Variants in TINAG observed in about 807,000 individuals in gnomAD.
TINAG encodes the protein tubulointerstitial nephritis antigen.
In TINAG, 83 loss-of-function variants were observed where a neutral mutation model predicts 72.7. The ratio of observed to expected loss-of-function variants is 1.14; its 90% CI spans 0.96 to 1.37. The LOEUF (loss-of-function observed/expected upper bound fraction) is 1.37, where lower values mean the gene tolerates loss of function less well. Ranked by LOEUF, TINAG falls within the 40% of genes most tolerant of loss-of-function variation. TINAG has a pLI of 0.00. For missense variants in TINAG, 685 were observed against 576.6 expected (o/e 1.19, Z -1.93); for synonymous variants, 234 against 189.9 (o/e 1.23, Z -1.91).
chr6:54,366,340 C>G (rs1482065814), intron 9 of TINAG, among the ~76,000 whole-genome samples: 4 of 151,278 alleles, frequency 2.6e-5, no homozygotes, highest in African/African-American at 9.7e-5. Context: ...TTTTCTCAAA[C>G]AATTGCTCTG....
At chr6:54,310,176 G>A (rs1009111486) in intron 1 of TINAG, among the ~76,000 whole-genome samples, 2 of 150,246 alleles carry the variant, frequency 1.3e-5, no homozygotes, top group Non-Finnish European at 3.0e-5. Flanking sequence ...TCTAACTCCT[G>A]AGCTCAAACA....
chr6:54,308,557 A>G lies in TINAG; in HGVS notation c.7A>G (p.Thr3Ala), dbSNP rs16885197. 0.015 allele frequency: 24,623 copies of G among 1,609,044 alleles called. 494 individuals carry two copies. The highest frequency in any genetic ancestry group is 0.1 in the African/African-American group (7,700 of 74,644). Residue 3 changes from threonine (T) to alanine (A), a missense_variant, in exon 1 of 11, where the codon ACC becomes GCC. Coordinates refer to ENST00000259782, the MANE Select transcript of TINAG (RefSeq NM_014464.4). ...TATACCTGACTTCCAGAGAATGTGG[A>G]CCGGATATAAGATCTTAATCTTCTC... MW[T>A]GYKILIFSYL...
intron 10 of TINAG, among the ~76,000 whole-genome samples, chr6:54,382,900 G>A (rs567100291): frequency 6.6e-6 from 1 of 152,188 alleles, no homozygotes; most frequent in Admixed American, 6.5e-5. Flanking sequence ...AGTTGAAGAG[G>A]AACCTATCTT....
chr6:54,385,432 A>T (rs1764070408), intron 10 of TINAG, among the ~76,000 whole-genome samples: 1 of 152,082 alleles, frequency 6.6e-6, no homozygotes, highest in South Asian at 2.1e-4. Context: ...AAAACTTATC[A>T]AAAACCTACA....
chr6:54,355,714 CGTGTGTGTGT>C (rs5876379), intron 9 of TINAG, among the ~76,000 whole-genome samples: 9 of 145,202 alleles, frequency 6.2e-5, no homozygotes, highest in African/African-American at 7.6e-5. Flanking sequence ...AAAAATGTAA[CGTGTGTGTGT>C]GTGTGTGTGT....
chr6:54,343,470 A>C, intron 5 of TINAG, 121 bp downstream of exon 5: 2 of 995,410 alleles, frequency 2.0e-6, no homozygotes, highest in Non-Finnish European at 1.3e-6. Flanking sequence ...ATCAAATAAA[A>C]TCTCATTATG....
chr6:54,336,974 T>A (rs1343032318), intron 4 of TINAG, among the ~76,000 whole-genome samples: 1 of 152,102 alleles, frequency 6.6e-6, no homozygotes, highest in Non-Finnish European at 1.5e-5. Context: ...TTATACTTTC[T>A]ATAGTATGTT....
chr6:54,338,606 C>G (rs942058504), intron 4 of TINAG, among the ~76,000 whole-genome samples: 1 of 151,428 alleles, frequency 6.6e-6, no homozygotes, highest in Non-Finnish European at 1.5e-5. Context: ...TGTCTGTAGT[C>G]CCAGCTACTC....
intron 9 of TINAG, among the ~76,000 whole-genome samples, chr6:54,364,394 GA>G (rs1763342354): frequency 1.3e-5 from 2 of 151,504 alleles, no homozygotes; most frequent in Admixed American, 6.6e-5. Context: ...TAAAATGACA[GA>G]AAGACTGATA....
In TINAG at chr6:54,327,244, G is replaced by A. The variant is rs1415332179; in HGVS notation, c.624+328G>A. ...GTGGATGATTTCTGCATTACCAACTGAGGTACACGGTTCATCTCATTGGGA... is the reference window on the plus strand; with the variant it reads ...GTGGATGATTTCTGCATTACCAACTAAGGTACACGGTTCATCTCATTGGGA... On this transcript the variant is annotated intron_variant, in intron 4 of 10. Transcript: ENST00000259782. 4.2e-6 allele frequency: 6 copies of A among 1,443,230 alleles called. No homozygotes were observed. The East Asian group carries it at 1.7e-4, about 41-fold the overall frequency. The allele number at this position is 1,443,230 out of a possible 1,614,324, so 89.4% of individuals were successfully genotyped here. A position where few individuals can be genotyped will look rare whatever the true frequency, so the allele number is the denominator to read the frequency against.
At chr6:54,317,934 T>C (rs1447202385) in intron 1 of TINAG, among the ~76,000 whole-genome samples, 1 of 152,110 alleles carries the variant, frequency 6.6e-6, no homozygotes, top group African/African-American at 2.4e-5. Flanking sequence ...TGTTTTTGTG[T>C]TCTTGGCCTC....
At chr6:54,379,945 A>G (rs1007573245) in intron 9 of TINAG, among the ~76,000 whole-genome samples, 1 of 151,772 alleles carries the variant, frequency 6.6e-6, no homozygotes, top group Non-Finnish European at 1.5e-5. Context: ...CGACCCCCAA[A>G]CAGGCCCCAG....
intron 9 of TINAG, among the ~76,000 whole-genome samples, chr6:54,379,024 T>G (rs1020227191): frequency 2.6e-5 from 4 of 152,128 alleles, no homozygotes; most frequent in African/African-American, 9.7e-5. Flanking sequence ...CTATTAAAAA[T>G]AGCTTTCTGC....
At chr6:54,370,961 AT>A (rs1763586096) in intron 9 of TINAG, among the ~76,000 whole-genome samples, 2 of 152,266 alleles carry the variant, frequency 1.3e-5, no homozygotes, top group Non-Finnish European at 2.9e-5. Flanking sequence ...GAACTGACCT[AT>A]TACAAAACAA....
intron 9 of TINAG, among the ~76,000 whole-genome samples, chr6:54,366,088 C>T (rs189083151): frequency 1.1e-4 from 17 of 151,698 alleles, no homozygotes; most frequent in Non-Finnish European, 8.9e-5. Flanking sequence ...TAGTAGAACT[C>T]TCACGAAATA....
intron 1 of TINAG, among the ~76,000 whole-genome samples, chr6:54,315,855 A>C (rs1784361416): frequency 6.6e-6 from 1 of 152,144 alleles, no homozygotes; most frequent in South Asian, 2.1e-4. Context: ...TATGCACAAT[A>C]TGTTCACATT....
At chr6:54,363,198 C>T (rs983983098) in intron 9 of TINAG, among the ~76,000 whole-genome samples, 1 of 151,518 alleles carries the variant, frequency 6.6e-6, no homozygotes, top group African/African-American at 2.4e-5. Context: ...TAGACTATAT[C>T]ACAGATTTTT....
At position 54,351,366 on chromosome 6, in the gene TINAG, G is replaced by GA. The variant is rs1406774503; in HGVS notation, c.1098dup (p.Glu367ArgfsTer16). 1 of 1,610,154 alleles carries GA rather than the reference G, an allele frequency of 6.2e-7. No homozygotes were observed. On this transcript the variant is annotated frameshift_variant, in exon 8 of 11. Coordinates refer to ENST00000259782, the MANE Select transcript of TINAG (RefSeq NM_014464.4). LOFTEE classifies it high-confidence loss of function. ...TTTCCATCCAGGAAACTGAGATAAT[G>GA]AAAGAAATCATGCAAAATGGACCAG...
chr6:54,360,839 G>GTTTTTTTTTTTTTTTTTTTTTTTTTTTTT (rs773926586), intron 9 of TINAG, among the ~76,000 whole-genome samples: 1 of 16,924 alleles, frequency 5.9e-5, no homozygotes, highest in Admixed American at 7.2e-4. Context: ...CACAGATACT[G>GTTTTTTTTTTTTTTTTTTTTTTTTTTTTT]TGTTTTTTTT....
Sources: allele counts gnomAD v4.1 joint callset (sites outside exome capture counted in the v4.1 genomes callset), GRCh38; gene constraint gnomAD v4.1.1; transcripts MANE v1.5; gene names NCBI Gene and HGNC (gene_info 2026-07-23, HGNC 2026-07-21).